The following CIAO3 variants were observed in gnomAD, a reference collection of about 807,000 sequenced individuals.
The protein encoded by CIAO3 is LET1 like/JFP15.
CIAO3 carries 45 observed loss-of-function variants against 51.5 expected under a neutral mutation model. The observed-to-expected ratio is 0.87, with a 90% confidence interval of 0.69 to 1.12. The LOEUF is 1.12. Among genes scored for constraint, CIAO3 ranks in the 50% most tolerant of loss-of-function variants. The probability of loss-of-function intolerance (pLI) is 0.00; values close to 1 mark genes in which losing one functional copy is unlikely to be tolerated. For missense variants in CIAO3, 668 were observed against 632.5 expected (o/e 1.06, Z -0.60); for synonymous variants, 314 against 269.3 (o/e 1.17, Z -1.63).
chr16:731,532 G>T, intron 9 of CIAO3, 33 bp downstream of exon 9: 1 of 1,524,060 alleles, frequency 6.6e-7, no homozygotes, highest in South Asian at 1.2e-5. Context: ...CTGTGTGGCC[G>T]CTCTGCCCAG....
intron 1 of CIAO3, chr16:740,198 C>A: frequency 1.0e-6 from 1 of 992,676 alleles, no homozygotes; most frequent in Non-Finnish European, 1.4e-6. Context: ...AGCCGCCTCC[C>A]AGCTCATCCC....
In CIAO3 at chr16:734,363, G is replaced by A; in HGVS notation, c.575-16C>T. On this transcript the variant is annotated splice_polypyrimidine_tract_variant and intron_variant, in intron 5 of 10. Transcript: ENST00000251588. The stretch of plus-strand genomic sequence containing the variant: ...CAGATCCAGCCTGAGGTGACAGGGG[G>A]CACACGGGGCTGGCGGGGGCGCACG... The A allele has an allele frequency of 1.3e-6, 2 of 1,587,448 alleles. No individual in the cohort carries two copies. The highest frequency in any genetic ancestry group is 1.1e-5 in the South Asian group (1 of 90,550).
Position 731,774 on chromosome 16 carries a change from C to T in CIAO3, c.897-72G>A, listed in dbSNP as rs2041286006. On this transcript the variant is annotated intron_variant, in intron 8 of 10. Coordinates refer to ENST00000251588, the MANE Select transcript of CIAO3 (RefSeq NM_022493.3). The stretch of plus-strand genomic sequence containing the variant: ...CAACCTCCCGAGCAGGGCCTCTGTC[C>T]CTCACACATGAGCGTTTGCATTTCC... 8.9e-6 allele frequency: 13 copies of T among 1,458,754 alleles called. No homozygotes were observed. In the South Asian group the frequency reaches 1.3e-4, roughly 14 times the overall value. 90.4% of individuals were successfully genotyped at this position (1,458,754 alleles called of 1,614,324 possible). A position where few individuals can be genotyped will look rare whatever the true frequency, so the allele number is the denominator to read the frequency against.
Position 731,696 on chromosome 16 carries a change from G to T in CIAO3, c.903C>A (p.Ser301Arg). The stretch of plus-strand genomic sequence containing the variant: ...TGGTGGGCTCCTCTGCAGAGGCACC[G>T]CTGCACCTGGCAAGGAGGGAGGGGC... ...LEPAPLDSLC[S>R]GASAEEPTSH... The change falls in exon 9 of 11, where the codon AGC (serine) becomes AGA (arginine). Residue 301 changes from serine (S) to arginine (R), a missense_variant. By Grantham distance (110) the Ser-to-Arg change is moderately radical (BLOSUM62 -1). Coordinates refer to ENST00000251588, the MANE Select transcript of CIAO3 (RefSeq NM_022493.3). 1 of 1,552,660 alleles carries T rather than the reference G, an allele frequency of 6.4e-7. No homozygotes were observed. The highest frequency in any genetic ancestry group is 1.9e-5 in the Admixed American group (1 of 52,704).
rs112418028 is a variant in CIAO3 at position 736,360 on chromosome 16, C to G, written c.345G>C (p.Ser115=). The change falls in exon 4 of 11, where the codon TCG becomes TCC. Residue 115 remains serine, a synonymous_variant. Coordinates refer to ENST00000251588, the MANE Select transcript of CIAO3 (RefSeq NM_022493.3). ...APSQQRLVVV[S]VSPQSRASLA... ...GCGATGCTCTAGACTGTGGTGAGAC[C>G]GAAACTACAACCAGCCTCTGCTGAC... 1.1e-5 allele frequency: 17 copies of G among 1,612,958 alleles called. 1 individual carries two copies. The African/African-American group carries it at 1.1e-4, about 10-fold the overall frequency.
intron 7 of CIAO3, 173 bp downstream of exon 7, chr16:733,125 A>C: frequency 2.6e-6 from 2 of 783,680 alleles, no homozygotes; most frequent in Non-Finnish European, 2.0e-6. Context: ...GCCAGCTGCA[A>C]ATGGGCCCAC....
At position 730,865 on chromosome 16, in the gene CIAO3, C is replaced by T; in HGVS notation, c.1170G>A (p.Val390=). ...LKRGRCPYHY[V]EVMACPSGCL... ...TACCTGAGGGGCAGGCCATGACCTC[C>T]ACGTAGTGGTAGGGGCAGCGCCCTC... Residue 390 remains valine (V), a synonymous_variant, in exon 10 of 11, where the codon GTG becomes GTA. Coordinates refer to ENST00000251588, the MANE Select transcript of CIAO3 (RefSeq NM_022493.3). The T allele has an allele frequency of 1.2e-6, 2 of 1,612,872 alleles. No homozygotes were observed. Among genetic ancestry groups the T allele is most frequent in the Non-Finnish European group, 1.7e-6 (2 of 1,179,990 alleles).
chr16:733,207 G>C, intron 7 of CIAO3, 91 bp downstream of exon 7: 2 of 1,524,914 alleles, frequency 1.3e-6, no homozygotes, highest in South Asian at 2.4e-5. Flanking sequence ...GGCCCCCACA[G>C]GCAGGATCCT....
chr16:739,673 T>G lies in CIAO3; in HGVS notation c.132A>C (p.Glu44Asp). ...TAATTTGGAAGTAGCTCCCGTCATCTTCAATGCGAATCTTGGCCACGCCAC... is the reference window on the plus strand; with the variant it reads ...TAATTTGGAAGTAGCTCCCGTCATCGTCAATGCGAATCTTGGCCACGCCAC... Reference protein sequence around the residue: ...AGSGVAKIRIEDDGSYFQINQ... With the variant: ...AGSGVAKIRIDDDGSYFQINQ... The change falls in exon 2 of 11, where the codon GAA (glutamate) becomes GAC (aspartate). Residue 44 changes from glutamate to aspartate, a missense_variant. Coordinates refer to ENST00000251588, the MANE Select transcript of CIAO3 (RefSeq NM_022493.3). The G allele has an allele frequency of 6.2e-7, 1 of 1,614,150 alleles. No homozygotes were observed. Among genetic ancestry groups the G allele is most frequent in the African/African-American group, 1.3e-5 (1 of 75,070 alleles).
chr16:733,236 C>G, intron 7 of CIAO3, 62 bp downstream of exon 7: 1 of 1,595,686 alleles, frequency 6.3e-7, no homozygotes. Flanking sequence ...GCCACCTGTG[C>G]CCAGGGCTCA....
chr16:736,050 T>C (rs2041333747), intron 4 of CIAO3, among the ~76,000 whole-genome samples: 1 of 152,166 alleles, frequency 6.6e-6, no homozygotes. Context: ...TTAGAGAAAG[T>C]GCACAGTCAG....
In CIAO3 at chr16:737,474, T is replaced by C; in HGVS notation, c.163-145A>G. ...CCGCTGAATTTTTAAAAATTAGGTATGTATTACAAAAATGCACACGCACGC... is the reference window on the plus strand; with the variant it reads ...CCGCTGAATTTTTAAAAATTAGGTACGTATTACAAAAATGCACACGCACGC... On this transcript the variant is annotated intron_variant, in intron 2 of 10. Transcript: ENST00000251588. This position sits in a 1 kb window ranked among gnomAD's most constrained non-coding sequence, Gnocchi z 5.3. 2 of 1,526,392 alleles carry C rather than the reference T, an allele frequency of 1.3e-6. No individual in the cohort carries two copies. Among genetic ancestry groups the C allele is most frequent in the Middle Eastern group, 1.7e-4 (1 of 5,854 alleles). 94.6% of individuals were successfully genotyped at this position (1,526,392 alleles called of 1,614,324 possible). A position where few individuals can be genotyped will look rare whatever the true frequency, so the allele number is the denominator to read the frequency against.
chr16:736,403 A>C lies in CIAO3; in HGVS notation c.307-5T>G, dbSNP rs760349543. On this transcript the variant is annotated splice_region_variant and splice_polypyrimidine_tract_variant and intron_variant, in intron 3 of 10. Coordinates refer to ENST00000251588, the MANE Select transcript of CIAO3 (RefSeq NM_022493.3). ...CTGCTGACTGGGTGCCGCCATCTGC[A>C]AAGCAAGGGGAAGACGCTGCTTACT... 7.9e-5 allele frequency: 127 copies of C among 1,612,496 alleles called. No homozygotes were observed. Among genetic ancestry groups the C allele is most frequent in the Admixed American group, 5.0e-4 (30 of 59,990 alleles).
At chr16:738,395 C>T (rs1380119416) in intron 2 of CIAO3, 1 of 887,564 alleles carries the variant, frequency 1.1e-6, no homozygotes, top group Non-Finnish European at 1.3e-6. Context: ...GTCACCCAGG[C>T]TAGAGTGCAG....
chr16:731,782 A>G (rs543832288), intron 8 of CIAO3, 80 bp from the exon 9 acceptor site: 39 of 1,436,424 alleles, frequency 2.7e-5, no homozygotes, highest in Middle Eastern at 2.3e-4. Flanking sequence ...TCCCTCACAC[A>G]TGAGCGTTTG....
rs934630390 is a variant in CIAO3, at chr16:737,526, C to G, written c.163-197G>C. 6.6e-7 allele frequency: 1 copy of G among 1,518,002 alleles called. No individual in the cohort carries two copies. The highest frequency in any genetic ancestry group is 1.4e-5 in the African/African-American group (1 of 72,628). 94.0% of individuals were successfully genotyped at this position (1,518,002 alleles called of 1,614,324 possible). A position where few individuals can be genotyped will look rare whatever the true frequency, so the allele number is the denominator to read the frequency against. Reference sequence around the variant, plus strand: ...CTACAGTTTCATAATGCCGTCAAGTCTGCTTCTTGGTACCACTTGGTTAGT... The same window carrying G: ...CTACAGTTTCATAATGCCGTCAAGTGTGCTTCTTGGTACCACTTGGTTAGT... On this transcript the variant is annotated intron_variant, in intron 2 of 10. Coordinates refer to ENST00000251588, the MANE Select transcript of CIAO3 (RefSeq NM_022493.3). The surrounding 1 kb of genome is among the most constrained non-coding windows in gnomAD (Gnocchi z 5.3).
At chr16:733,931 CGTG>C (rs1226633125) in intron 6 of CIAO3, 2 of 432,118 alleles carry the variant, frequency 4.6e-6, no homozygotes, top group Non-Finnish European at 8.7e-6. Flanking sequence ...TGGGCATCCT[CGTG>C]GACCTGGTGG....
In CIAO3 at chr16:731,395, C is replaced by A. The variant is rs982541850; in HGVS notation, c.1034+170G>T. On this transcript the variant is annotated intron_variant, in intron 9 of 10. Coordinates refer to ENST00000251588, the MANE Select transcript of CIAO3 (RefSeq NM_022493.3). Reference sequence around the variant, plus strand: ...CCTGGAGTGCTTAGGTGCCTTCACACCCTGAGCCCGCCAGGAGGGCCCTGC... The same window carrying A: ...CCTGGAGTGCTTAGGTGCCTTCACAACCTGAGCCCGCCAGGAGGGCCCTGC... 7.6e-5 allele frequency: 74 copies of A among 974,826 alleles called. No individual in the cohort carries two copies. In the African/African-American group the frequency reaches 1.1e-3, roughly 15 times the overall value. The allele number at this position is 974,826 out of a possible 1,614,324, so 60.4% of individuals were successfully genotyped here. A position where few individuals can be genotyped will look rare whatever the true frequency, so the allele number is the denominator to read the frequency against.
rs2041338066 is a variant in CIAO3 at position 736,383 on chromosome 16, G to A, written c.322C>T (p.Gln108Ter). ...LDANKMAAPS[Q>*]QRLVVVSVSP... ...ACCGAAACTACAACCAGCCTCTGCT[G>A]ACTGGGTGCCGCCATCTGCAAAGCA... Residue 108 changes from glutamine to a stop codon, truncating the protein, a stop_gained, in exon 4 of 11, where the codon CAG becomes TAG. Transcript: ENST00000251588. LOFTEE classifies it high-confidence loss of function. The A allele has an allele frequency of 7.4e-6, 12 of 1,612,800 alleles. No homozygotes were observed. Among genetic ancestry groups the A allele is most frequent in the African/African-American group, 1.3e-5 (1 of 74,932 alleles).
Sources: gnomAD v4.1 joint callset for allele counts (sites outside exome capture counted in the v4.1 genomes callset) on GRCh38, gnomAD v4.1.1 for gene constraint, Gnocchi (gnomAD v3.1) non-coding constraint, MANE v1.5 for transcripts, NCBI Gene and HGNC (gene_info 2026-07-23, HGNC 2026-07-21) for gene names.